Variants in MAPK10 observed in about 807,000 individuals in gnomAD.
The protein encoded by MAPK10 is mitogen-activated protein kinase 10, also known as JNK3 alpha protein kinase.
MAPK10 carries 25 observed loss-of-function variants against 59.3 expected under a neutral mutation model. That is an observed-to-expected ratio of 0.42 (90% CI 0.31 to 0.59). The LOEUF (loss-of-function observed/expected upper bound fraction) is 0.59, where lower values mean the gene tolerates loss of function less well. Ranked by LOEUF, MAPK10 falls within the 20% of genes least tolerant of loss-of-function variation. MAPK10 has a pLI of 0.15. For synonymous variants in MAPK10, 190 were observed against 200.5 expected (o/e 0.95, Z 0.44); for missense variants, 351 against 568.9 (o/e 0.62, Z 3.90).
intron 1 of MAPK10, among the ~76,000 whole-genome samples, chr4:86,461,118 C>A (rs2067111616): frequency 8.1e-6 from 1 of 123,248 alleles, no homozygotes; most frequent in African/African-American, 3.0e-5. Flanking sequence ...CTGGAGGACA[C>A]CTGAGTACTC....
intron 1 of MAPK10, among the ~76,000 whole-genome samples, chr4:86,399,183 C>T (rs540705358): frequency 6.6e-6 from 1 of 152,194 alleles, no homozygotes; most frequent in South Asian, 2.1e-4. Context: ...ATCTCTAAAC[C>T]GTTTTCCACA....
chr4:86,351,351 TCATA>T (rs1731263294), intron 2 of MAPK10, among the ~76,000 whole-genome samples: 1 of 146,506 alleles, frequency 6.8e-6, no homozygotes, highest in Non-Finnish European at 1.5e-5. Context: ...ACAACATTAG[TCATA>T]CAATGTGTGT....
chr4:86,319,565 T>G (rs1020610589), intron 2 of MAPK10, among the ~76,000 whole-genome samples: 2 of 152,078 alleles, frequency 1.3e-5, no homozygotes, highest in East Asian at 1.9e-4. Context: ...CTCTGATTTT[T>G]CAGCCTCAGC....
chr4:86,121,877 C>G (rs538630071), intron 4 of MAPK10, among the ~76,000 whole-genome samples: 1 of 152,104 alleles, frequency 6.6e-6, no homozygotes, highest in Admixed American at 6.6e-5. Context: ...CAGTCTCCCC[C>G]GCTTTTGGCC....
intron 1 of MAPK10, among the ~76,000 whole-genome samples, chr4:86,489,658 T>C (rs1017889676): frequency 6.6e-6 from 1 of 152,200 alleles, no homozygotes; most frequent in Non-Finnish European, 1.5e-5. Flanking sequence ...TGTCCCTTTT[T>C]TTTCTCCTCT....
intron 1 of MAPK10, among the ~76,000 whole-genome samples, chr4:86,493,391 A>G (rs1039056792): frequency 2.6e-5 from 4 of 152,248 alleles, no homozygotes; most frequent in Non-Finnish European, 4.4e-5. Context: ...TGCACACAGA[A>G]AAGCAAATTT....
intron 1 of MAPK10, among the ~76,000 whole-genome samples, chr4:86,429,495 A>G (rs1747749890): frequency 6.6e-6 from 1 of 152,164 alleles, no homozygotes; most frequent in African/African-American, 2.4e-5. Flanking sequence ...TTATCTAATA[A>G]TTGTTTAGAT....
chr4:86,286,127 C>T (rs1351155872), intron 2 of MAPK10, among the ~76,000 whole-genome samples: 1 of 152,174 alleles, frequency 6.6e-6, no homozygotes, highest in African/African-American at 2.4e-5. Context: ...TAAGTTGACA[C>T]AGAAAATTAA....
chr4:86,318,565 T>G (rs1447163567), intron 2 of MAPK10, among the ~76,000 whole-genome samples: 1 of 152,086 alleles, frequency 6.6e-6, no homozygotes, highest in African/African-American at 2.4e-5. Context: ...AGAAATAATC[T>G]GCCCAAAGTC....
chr4:86,402,174 T>A (rs1254274193), intron 1 of MAPK10, among the ~76,000 whole-genome samples: 1 of 152,158 alleles, frequency 6.6e-6, no homozygotes, highest in Non-Finnish European at 1.5e-5. Context: ...GAGGACTTTT[T>A]TTTTTTCACT....
chr4:86,220,574 A>G (rs2148638583), intron 2 of MAPK10, among the ~76,000 whole-genome samples: 1 of 152,336 alleles, frequency 6.6e-6, no homozygotes, highest in Non-Finnish European at 1.5e-5. Context: ...TATTTTCCAC[A>G]TTTATATACA....
At chr4:86,161,472 T>C (rs1244765863) in intron 3 of MAPK10, among the ~76,000 whole-genome samples, 1 of 152,050 alleles carries the variant, frequency 6.6e-6, no homozygotes, top group Non-Finnish European at 1.5e-5. Flanking sequence ...TACTCTAGAC[T>C]TTTTGGCATA....
At chr4:86,240,900 T>C (rs1396843753) in intron 2 of MAPK10, among the ~76,000 whole-genome samples, 1 of 152,170 alleles carries the variant, frequency 6.6e-6, no homozygotes, top group Non-Finnish European at 1.5e-5. Context: ...TTTGGTTATT[T>C]TACACACCAG....
intron 1 of MAPK10, among the ~76,000 whole-genome samples, chr4:86,424,146 C>T (rs1564843003): frequency 1.3e-5 from 2 of 152,076 alleles, no homozygotes; most frequent in African/African-American, 4.8e-5. Flanking sequence ...GCTTCCCACA[C>T]TCCAGTTCAG....
At chr4:86,132,434 T>C (rs927965663) in intron 4 of MAPK10, among the ~76,000 whole-genome samples, 2 of 152,226 alleles carry the variant, frequency 1.3e-5, no homozygotes, top group African/African-American at 2.4e-5. Flanking sequence ...AAACTATACA[T>C]TGACTATGTT....
intron 1 of MAPK10, among the ~76,000 whole-genome samples, chr4:86,414,661 T>C (rs1455318477): frequency 7.2e-5 from 11 of 152,216 alleles, no homozygotes; most frequent in Admixed American, 5.9e-4. Context: ...GGCCAGTCTG[T>C]GCTAGTTTCT....
chr4:86,236,227 A>G (rs2092214938), intron 2 of MAPK10, among the ~76,000 whole-genome samples: 1 of 152,192 alleles, frequency 6.6e-6, no homozygotes, highest in African/African-American at 2.4e-5. Context: ...TAATATCCCC[A>G]AGCCAAGATT....
chr4:86,287,124 G>A (rs1022205417), intron 2 of MAPK10, among the ~76,000 whole-genome samples: 41 of 152,126 alleles, frequency 2.7e-4, no homozygotes, highest in Non-Finnish European at 1.5e-5. Flanking sequence ...ACCCAGCCGG[G>A]TAAGGAAAGA....
In MAPK10 at chr4:86,055,294, C is replaced by G. The variant is rs538728254; in HGVS notation, c.1110+8972G>C. 1.4e-4 allele frequency among the ~76,000 whole-genome samples: 18 copies of G among 132,844 alleles called. 1 individual carries two copies. The South Asian group carries it at 3.6e-3, about 27-fold the overall frequency. The allele number at this position is 132,844 out of a possible 152,430, so 87.2% of individuals were successfully genotyped here. On this transcript the variant is annotated intron_variant, in intron 11 of 13. Coordinates refer to ENST00000641462, the MANE Select transcript of MAPK10 (RefSeq NM_138982.4). The stretch of plus-strand genomic sequence containing the variant: ...TTATTCTTTTCCTCATTCTAGGATA[C>G]AGTAGTTTGTCTTACTTGTGAAAAT...
Sources: gnomAD v4.1 joint callset for allele counts (sites outside exome capture counted in the v4.1 genomes callset) on GRCh38, gnomAD v4.1.1 for gene constraint, MANE v1.5 for transcripts, NCBI Gene and HGNC (gene_info 2026-07-23, HGNC 2026-07-21) for gene names.